MRPL15: variants seen among roughly 807,000 people sequenced by gnomAD.
MRPL15 encodes the protein large ribosomal subunit protein uL15m.
MRPL15 carries 24 observed loss-of-function variants against 28.0 expected under a neutral mutation model. The ratio of observed to expected loss-of-function variants is 0.86; its 90% CI spans 0.62 to 1.21. The LOEUF (loss-of-function observed/expected upper bound fraction) is 1.21, where lower values mean the gene tolerates loss of function less well. Ranked by LOEUF, MRPL15 falls within the 50% of genes most tolerant of loss-of-function variation. MRPL15 has a pLI of 0.00. For missense variants in MRPL15, 343 were observed against 372.4 expected (o/e 0.92, Z 0.65); for synonymous variants, 124 against 137.0 (o/e 0.90, Z 0.66).
At chr8:54,144,770 CTG>C (rs1368333740) in intron 4 of MRPL15, among the ~76,000 whole-genome samples, 1 of 137,666 alleles carries the variant, frequency 7.3e-6, no homozygotes, top group African/African-American at 3.0e-5. Context: ...CAAAGTGAGA[CTG>C]TCTCAAAAAA....
At position 54,137,443 on chromosome 8, in the gene MRPL15, G is replaced by C; in HGVS notation, c.429+10G>C. The C allele has an allele frequency of 6.2e-7, 1 of 1,612,168 alleles. No individual in the cohort carries two copies. Among genetic ancestry groups the C allele is most frequent in the Non-Finnish European group, 8.5e-7 (1 of 1,179,418 alleles). On this transcript the variant is annotated intron_variant, in intron 3 of 4. Coordinates refer to ENST00000260102, the MANE Select transcript of MRPL15 (RefSeq NM_014175.4). ...CCAGCTGGTTGAGGAGGTAAGTCTT[G>C]ATTAGATCTTTTGGTGTTATATAGG... is the stretch of plus-strand genomic sequence containing the variant.
chr8:54,140,927 G>GTT (rs549991925), intron 3 of MRPL15, among the ~76,000 whole-genome samples: 4 of 145,176 alleles, frequency 2.8e-5, no homozygotes, highest in Non-Finnish European at 4.5e-5. Flanking sequence ...AAAATTGGAG[G>GTT]TTTTTTTTTT....
At position 54,136,509 on chromosome 8, in the gene MRPL15, A is replaced by G; in HGVS notation, c.109-2A>G. 6.3e-7 allele frequency: 1 copy of G among 1,599,580 alleles called. No homozygotes were observed. Among genetic ancestry groups the G allele is most frequent in the Non-Finnish European group, 8.5e-7 (1 of 1,175,774 alleles). On this transcript the variant is annotated splice_acceptor_variant, in intron 1 of 4. Coordinates refer to ENST00000260102, the MANE Select transcript of MRPL15 (RefSeq NM_014175.4). LOFTEE classifies it high-confidence loss of function. ...TCATAAAATTCTTTTTTTTCCTTGC[A>G]GGAGAGAAGACCAAGAGGTCGGAGA...
rs140226027 is a variant in MRPL15 at position 54,145,772 on chromosome 8, C to G, written c.554-1610C>G. Among the ~76,000 whole-genome samples, 754 of 152,274 alleles carry G rather than the reference C, an allele frequency of 5.0e-3. 6 individuals carry two copies. Among genetic ancestry groups the G allele is most frequent in the African/African-American group, 0.016 (679 of 41,562 alleles). On this transcript the variant is annotated intron_variant, in intron 4 of 4. Coordinates refer to ENST00000260102, the MANE Select transcript of MRPL15 (RefSeq NM_014175.4). ...AGCATGAGCCATTGTGCCTGGTCTA[C>G]AAATTTCTTTCTTAAATATATTTTG...
At chr8:54,137,692 G>C (rs1257033581) in intron 3 of MRPL15, among the ~76,000 whole-genome samples, 1 of 152,126 alleles carries the variant, frequency 6.6e-6, no homozygotes, top group South Asian at 2.1e-4. Flanking sequence ...TTGAACTCCT[G>C]ACCTTAAGTG....
At chr8:54,146,038 T>C (rs1811039559) in intron 4 of MRPL15, among the ~76,000 whole-genome samples, 1 of 152,208 alleles carries the variant, frequency 6.6e-6, no homozygotes, top group Non-Finnish European at 1.5e-5. Context: ...GGTGATGCAA[T>C]ATATTAGAGC....
chr8:54,145,488 T>A (rs1811027449), intron 4 of MRPL15, among the ~76,000 whole-genome samples: 1 of 151,926 alleles, frequency 6.6e-6, no homozygotes, highest in Non-Finnish European at 1.5e-5. Context: ...CCAGAAATTT[T>A]TTTTTTTTCT....
intron 3 of MRPL15, among the ~76,000 whole-genome samples, chr8:54,142,302 G>A (rs1351813999): frequency 1.3e-5 from 2 of 151,708 alleles, no homozygotes; most frequent in Non-Finnish European, 2.9e-5. Flanking sequence ...CTACAGGCAC[G>A]CGGCACCACA....
chr8:54,136,515 G>GA lies in MRPL15; in HGVS notation c.115dup (p.Arg39LysfsTer9). 6.2e-7 allele frequency: 1 copy of GA among 1,606,524 alleles called. No homozygotes were observed. The highest frequency in any genetic ancestry group is 8.5e-7 in the Non-Finnish European group (1 of 1,177,762). On this transcript the variant is annotated frameshift_variant, in exon 2 of 5. Transcript: ENST00000260102. LOFTEE classifies it high-confidence loss of function. ...AATTCTTTTTTTTCCTTGCAGGAGA[G>GA]AAGACCAAGAGGTCGGAGAAGAGGT... is the stretch of plus-strand genomic sequence containing the variant.
rs1028535778 is a variant in MRPL15, at chr8:54,147,952, T to C, written c.*233T>C. The C allele has an allele frequency of 6.8e-6, 3 of 442,848 alleles. No individual in the cohort carries two copies. Among genetic ancestry groups the C allele is most frequent in the Non-Finnish European group, 1.2e-5 (3 of 250,902 alleles). The allele number at this position is 442,848 out of a possible 1,614,324, so 27.4% of individuals were successfully genotyped here. A position where few individuals can be genotyped will look rare whatever the true frequency, so the allele number is the denominator to read the frequency against. On this transcript the variant is annotated 3_prime_UTR_variant, in exon 5 of 5. Transcript: ENST00000260102. ...AAGATACAAACTCCCTGATAGTCTATGGAAGGAAAATGACAACTATTTTAG... is the reference window on the plus strand; with the variant it reads ...AAGATACAAACTCCCTGATAGTCTACGGAAGGAAAATGACAACTATTTTAG...
chr8:54,136,443 G>A lies in MRPL15; in HGVS notation c.109-68G>A, dbSNP rs1586214679. ...GGATGAATGAACAGCATAACAAAAAGTGAAGAGCTGAAATGCAGTTTTTAG... is the reference window on the plus strand; with the variant it reads ...GGATGAATGAACAGCATAACAAAAAATGAAGAGCTGAAATGCAGTTTTTAG... On this transcript the variant is annotated intron_variant, in intron 1 of 4. Transcript: ENST00000260102. The A allele has an allele frequency of 3.3e-6, 5 of 1,531,850 alleles. No individual in the cohort carries two copies. The South Asian group carries it at 3.6e-5, about 11-fold the overall frequency. The allele number at this position is 1,531,850 out of a possible 1,614,324, so 94.9% of individuals were successfully genotyped here.
chr8:54,147,461 A>G lies in MRPL15; in HGVS notation c.633A>G (p.Val211=), dbSNP rs762741658. Residue 211 remains valine, a synonymous_variant, in exon 5 of 5, where the codon GTA becomes GTG. Coordinates refer to ENST00000260102, the MANE Select transcript of MRPL15 (RefSeq NM_014175.4). ...GAATGCTTCCACCAGAAGAACTGGT[A>G]CCATATTACACTGATGCAAAGAACC... The part of the protein sequence containing the change: ...PKRMLPPEEL[V]PYYTDAKNRG... 4.3e-6 allele frequency: 7 copies of G among 1,614,186 alleles called. No individual in the cohort carries two copies. Among genetic ancestry groups the G allele is most frequent in the East Asian group, 2.2e-5 (1 of 44,880 alleles).
At chr8:54,139,420 G>A (rs1208151932) in intron 3 of MRPL15, among the ~76,000 whole-genome samples, 1 of 152,142 alleles carries the variant, frequency 6.6e-6, no homozygotes, top group African/African-American at 2.4e-5. Flanking sequence ...TTGAAAAAGT[G>A]AACTGTATGG....
chr8:54,141,379 G>A (rs1033144080), intron 3 of MRPL15, among the ~76,000 whole-genome samples: 13 of 151,986 alleles, frequency 8.6e-5, no homozygotes, highest in Admixed American at 7.2e-4. Flanking sequence ...CTATGAAGTC[G>A]GGATAGCAAT....
At position 54,147,463 on chromosome 8, in the gene MRPL15, C is replaced by G; in HGVS notation, c.635C>G (p.Pro212Arg). ...ATGCTTCCACCAGAAGAACTGGTACCATATTACACTGATGCAAAGAACCGT... is the reference window on the plus strand; with the variant it reads ...ATGCTTCCACCAGAAGAACTGGTACGATATTACACTGATGCAAAGAACCGT... ...KRMLPPEELVPYYTDAKNRGY... is the reference protein window; with the variant it reads ...KRMLPPEELVRYYTDAKNRGY... The change falls in exon 5 of 5, where the codon CCA becomes CGA. Residue 212 changes from proline (P) to arginine (R), a missense_variant. By Grantham distance (103) the Pro-to-Arg change is moderately radical. Coordinates refer to ENST00000260102, the MANE Select transcript of MRPL15 (RefSeq NM_014175.4). 6.2e-7 allele frequency: 1 copy of G among 1,614,058 alleles called. No individual in the cohort carries two copies. The highest frequency in any genetic ancestry group is 8.5e-7 in the Non-Finnish European group (1 of 1,180,002).
At chr8:54,147,190 C>T (rs781145907) in intron 4 of MRPL15, among the ~76,000 whole-genome samples, 192 bp from the exon 5 acceptor site, 2 of 152,096 alleles carry the variant, frequency 1.3e-5, no homozygotes, top group Non-Finnish European at 2.9e-5. Context: ...CGAGATGGTG[C>T]CATTGTACTC....
intron 3 of MRPL15, 108 bp from the exon 4 acceptor site, chr8:54,142,555 T>C (rs10504161): frequency 0.23 from 298,462 of 1,302,912 alleles, 48,257 homozygotes; most frequent in East Asian, 0.71. Flanking sequence ...TGTATTGTTA[T>C]GTTATAGGCA....
rs935818934 is a variant in MRPL15 at position 54,135,579 on chromosome 8, T to C, written c.108+188T>C. ...CCACGTGCACCCAGTTCTTTTTTTTTTTTTTTTTTTTTTTTCCGAGACGGA... is the reference window on the plus strand; with the variant it reads ...CCACGTGCACCCAGTTCTTTTTTTTCTTTTTTTTTTTTTTTCCGAGACGGA... On this transcript the variant is annotated intron_variant, in intron 1 of 4. Transcript: ENST00000260102. 9.2e-5 allele frequency among the ~76,000 whole-genome samples: 7 copies of C among 75,888 alleles called. No homozygotes were observed. In the East Asian group the frequency reaches 8.5e-3, roughly 93 times the overall value. 49.8% of individuals were successfully genotyped at this position (75,888 alleles called of 152,430 possible). A position where few individuals can be genotyped will look rare whatever the true frequency, so the allele number is the denominator to read the frequency against.
At chr8:54,138,263 T>C (rs1487245107) in intron 3 of MRPL15, among the ~76,000 whole-genome samples, 1 of 150,380 alleles carries the variant, frequency 6.6e-6, no homozygotes, top group African/African-American at 2.4e-5. Flanking sequence ...GCCCCCTTCT[T>C]TTGGTTCTCT....
Sources: allele counts gnomAD v4.1 joint callset (sites outside exome capture counted in the v4.1 genomes callset), GRCh38; gene constraint gnomAD v4.1.1; transcripts MANE v1.5; gene names NCBI Gene and HGNC (gene_info 2026-07-23, HGNC 2026-07-21).